The following SAMD8 variants were observed in gnomAD, a reference collection of about 807,000 sequenced individuals.
SAMD8 encodes sterile alpha motif domain containing 8.
In SAMD8, 20 loss-of-function variants were observed where a neutral mutation model predicts 42.0. The observed-to-expected ratio is 0.48, with a 90% CI of 0.34 to 0.69. The LOEUF (loss-of-function observed/expected upper bound fraction) is 0.69, where lower values mean the gene tolerates loss of function less well. Among genes scored for constraint, SAMD8 ranks in the 30% least tolerant of loss-of-function variants. The pLI is 0.01. For synonymous variants in SAMD8, 162 were observed against 173.0 expected (o/e 0.94, Z 0.50); for missense variants, 328 against 511.6 (o/e 0.64, Z 3.46).
chr10:75,129,888 A>G (rs1239642745), intron 1 of SAMD8, among the ~76,000 whole-genome samples: 1 of 152,210 alleles, frequency 6.6e-6, no homozygotes, highest in Non-Finnish European at 1.5e-5. Flanking sequence ...CCCCCTAAAA[A>G]GAAACAAGAG....
upstream of SAMD8, among the ~76,000 whole-genome samples, chr10:75,108,748 A>G (rs912548349): frequency 6.6e-6 from 1 of 151,972 alleles, no homozygotes; most frequent in Non-Finnish European, 1.5e-5. Context: ...TCTACACTTG[A>G]CAGTTGTCCT....
At chr10:75,129,602 A>T (rs1394169322) in intron 1 of SAMD8, among the ~76,000 whole-genome samples, 3 of 152,190 alleles carry the variant, frequency 2.0e-5, no homozygotes, top group Non-Finnish European at 2.9e-5. Flanking sequence ...TGAATTTGTC[A>T]TCTACGTAGG....
intron 4 of SAMD8, among the ~76,000 whole-genome samples, chr10:75,175,223 C>T (rs973264531): frequency 2.6e-5 from 4 of 152,220 alleles, no homozygotes; most frequent in Non-Finnish European, 4.4e-5. Context: ...TTGTACAGAA[C>T]TTAGTCACGT....
Position 75,167,152 on chromosome 10 carries a change from G to A in SAMD8, c.675-1389G>A, listed in dbSNP as rs562461607. On this transcript the variant is annotated intron_variant, in intron 3 of 5. Coordinates refer to ENST00000542569, the MANE Select transcript of SAMD8 (RefSeq NM_001174156.2). ...CAGAATTTTTATTTGATATATACTT[G>A]ATATAAACATTTTTTTTAAAACATA... Among the ~76,000 whole-genome samples the A allele has an allele frequency of 3.3e-5, 5 of 152,290 alleles. No individual in the cohort carries two copies. The South Asian group carries it at 1.0e-3, about 32-fold the overall frequency.
intron 1 of SAMD8, chr10:75,103,771 C>T (rs1848322273): frequency 3.8e-6 from 3 of 782,272 alleles, no homozygotes; most frequent in Non-Finnish European, 5.3e-6. Context: ...CAGCTGTGGC[C>T]AACAGCTATC....
intron 4 of SAMD8, among the ~76,000 whole-genome samples, chr10:75,170,498 G>C (rs935403199): frequency 6.6e-6 from 1 of 152,004 alleles, no homozygotes; most frequent in African/African-American, 2.4e-5. Context: ...ATATGACACA[G>C]GATTTCATGT....
chr10:75,140,074 C>T (rs1323530985), intron 1 of SAMD8, among the ~76,000 whole-genome samples: 3 of 152,174 alleles, frequency 2.0e-5, no homozygotes, highest in Non-Finnish European at 4.4e-5. Flanking sequence ...TGCCTTTGCA[C>T]ATTTGTAGAA....
intron 2 of SAMD8, among the ~76,000 whole-genome samples, chr10:75,154,552 A>G (rs60199580): frequency 4.0e-3 from 607 of 152,354 alleles, no homozygotes; most frequent in African/African-American, 0.014. Flanking sequence ...CTTGAGGACC[A>G]TTGTAAGGAC....
chr10:75,120,617 T>C (rs999635866), intron 1 of SAMD8, among the ~76,000 whole-genome samples: 1 of 152,152 alleles, frequency 6.6e-6, no homozygotes, highest in Non-Finnish European at 1.5e-5. Flanking sequence ...CCTGTGGAAA[T>C]ATTTATTAAT....
At chr10:75,146,024 G>A (rs898250954) in intron 1 of SAMD8, among the ~76,000 whole-genome samples, 2 of 152,050 alleles carry the variant, frequency 1.3e-5, no homozygotes, top group East Asian at 1.9e-4. Context: ...AGAGAGACCC[G>A]CAGATCTCTG....
chr10:75,147,986 A>T (rs780377170), intron 1 of SAMD8, among the ~76,000 whole-genome samples: 3 of 152,202 alleles, frequency 2.0e-5, no homozygotes, highest in Non-Finnish European at 4.4e-5. Flanking sequence ...CATAATGCAT[A>T]AGAATTAGAC....
At chr10:75,140,765 GTATCAA>G (rs1839991521) in intron 1 of SAMD8, among the ~76,000 whole-genome samples, 1 of 152,178 alleles carries the variant, frequency 6.6e-6, no homozygotes, top group African/African-American at 2.4e-5. Context: ...TTTATGAAAT[GTATCAA>G]TATCTACAAA....
At chr10:75,135,949 A>T (rs1046550779) in intron 1 of SAMD8, among the ~76,000 whole-genome samples, 1 of 152,012 alleles carries the variant, frequency 6.6e-6, no homozygotes, top group Admixed American at 6.6e-5. Flanking sequence ...ACCATGTGCT[A>T]ATCATATAGG....
chr10:75,122,086 C>T (rs1351301702), intron 1 of SAMD8, among the ~76,000 whole-genome samples: 1 of 152,018 alleles, frequency 6.6e-6, no homozygotes, highest in African/African-American at 2.4e-5. Flanking sequence ...TTTTCAAAAT[C>T]ATATCACATC....
At chr10:75,099,951 T>C (rs1848040817) in intron 1 of SAMD8, among the ~76,000 whole-genome samples, 1 of 152,110 alleles carries the variant, frequency 6.6e-6, no homozygotes, top group South Asian at 2.1e-4. Context: ...GAGGGCAGTG[T>C]AGTGTGGTGG....
intron 1 of SAMD8, chr10:75,105,572 TG>T: frequency 1.6e-6 from 2 of 1,284,666 alleles, no homozygotes; most frequent in Non-Finnish European, 2.2e-6. Flanking sequence ...CAACCAATCC[TG>T]GAAGAATCCA....
intron 1 of SAMD8, among the ~76,000 whole-genome samples, chr10:75,100,227 C>A (rs1285383259): frequency 6.6e-6 from 1 of 152,148 alleles, no homozygotes; most frequent in Non-Finnish European, 1.5e-5. Flanking sequence ...GCTGGTAGGC[C>A]ACAGTGCATG....
Position 75,176,487 on chromosome 10 carries a change from A to G in SAMD8, c.1043A>G (p.Asp348Gly). 6.4e-7 allele frequency: 1 copy of G among 1,550,952 alleles called. No individual in the cohort carries two copies. The highest frequency in any genetic ancestry group is 1.2e-5 in the South Asian group (1 of 84,112). Residue 348 changes from aspartate to glycine, a missense_variant, in exon 6 of 6, where the codon GAT (aspartate) becomes GGT (glycine). This residue lies in a region of SAMD8 where 178 missense variants were observed against 325.6 expected (regional missense o/e 0.55). Transcript: ENST00000542569. This position sits in a 1 kb window ranked among gnomAD's most constrained non-coding sequence, Gnocchi z 4.3. ...GCTGCCCATGAACATTATTCTATTGATGTGTTTATTGCTTTTTATATAACA... is the reference window on the plus strand; with the variant it reads ...GCTGCCCATGAACATTATTCTATTGGTGTGTTTATTGCTTTTTATATAACA... ...ILAAHEHYSI[D>G]VFIAFYITTR...
intron 1 of SAMD8, among the ~76,000 whole-genome samples, chr10:75,137,999 C>G (rs10509354): frequency 6.6e-6 from 1 of 152,086 alleles, no homozygotes; most frequent in African/African-American, 2.4e-5. Context: ...TGACTGAAAC[C>G]TGGAGAATTA....
Sources: allele counts gnomAD v4.1 joint callset (sites outside exome capture counted in the v4.1 genomes callset), GRCh38; gene constraint gnomAD v4.1.1; regional missense constraint gnomAD v4.1.1; non-coding constraint Gnocchi (gnomAD v3.1); transcripts MANE v1.5; gene names NCBI Gene and HGNC (gene_info 2026-07-23, HGNC 2026-07-21).